LAMB4: variants seen among roughly 807,000 people sequenced by gnomAD.
LAMB4 encodes the protein laminin subunit beta-4.
In LAMB4, 196 loss-of-function variants were observed where a neutral mutation model predicts 199.2. The observed-to-expected ratio is 0.98, with a 90% CI of 0.88 to 1.11. The LOEUF is 1.11. Among genes scored for constraint, LAMB4 ranks in the 50% least tolerant of loss-of-function variants. The pLI, the probability that LAMB4 is intolerant of heterozygous loss-of-function variation, is 0.00. For missense variants in LAMB4, 2,080 were observed against 2,171.2 expected (o/e 0.96, Z 0.83); for synonymous variants, 744 against 770.6 (o/e 0.97, Z 0.57).
chr7:108,091,730 C>T lies in LAMB4; in HGVS notation c.1597G>A (p.Gly533Ser). The change falls in exon 14 of 34, where the codon GGC becomes AGC. Residue 533 changes from glycine to serine, a missense_variant. Gly to Ser is a moderately conservative substitution (Grantham distance 56). Transcript: ENST00000388781. ...GGGGCTGGTTCAGAGCAGCTACGGC[C>T]AGTGACATGTGGGCGGCATTCACAC... ...GQCECRPHVT[G>S]RSCSEPAPGY... 6.2e-7 allele frequency: 1 copy of T among 1,614,152 alleles called. No homozygotes were observed.
intron 24 of LAMB4, 47 bp downstream of exon 24, chr7:108,057,785 G>C: frequency 8.1e-7 from 1 of 1,238,536 alleles, no homozygotes; most frequent in Non-Finnish European, 1.2e-6. Context: ...TCCATGGTAG[G>C]GCCAGGCTGA....
chr7:108,069,037 G>A (rs1265684810), intron 18 of LAMB4, among the ~76,000 whole-genome samples: 1 of 152,096 alleles, frequency 6.6e-6, no homozygotes, highest in Non-Finnish European at 1.5e-5. Context: ...ATGACATGGT[G>A]GGTACCCTGA....
At chr7:108,073,365 T>A (rs1021727412) in intron 17 of LAMB4, among the ~76,000 whole-genome samples, 1 of 152,250 alleles carries the variant, frequency 6.6e-6, no homozygotes, top group Non-Finnish European at 1.5e-5. Context: ...CTAAGGACTT[T>A]ATGTTTACCA....
At position 108,080,994 on chromosome 7, in the gene LAMB4, C is replaced by CTCCCA. The variant is rs369138570; in HGVS notation, c.1702-1209_1702-1208insTGGGA. Among the ~76,000 whole-genome samples, 461 of 152,090 alleles carry CTCCCA rather than the reference C, an allele frequency of 3.0e-3. 1 individual carries two copies. The highest frequency in any genetic ancestry group is 0.011 in the African/African-American group (450 of 41,504). ...AAAATTATCTGGGAGTGGTGGTGTG[C>CTCCCA]GCTTGTACTCCCAGCTACTTGGAAG... On this transcript the variant is annotated intron_variant, in intron 14 of 33. Transcript: ENST00000388781.
chr7:108,103,075 G>C lies in LAMB4; in HGVS notation c.1149C>G (p.Leu383=). 2 of 1,609,912 alleles carry C rather than the reference G, an allele frequency of 1.2e-6. No homozygotes were observed. Among genetic ancestry groups the C allele is most frequent in the Non-Finnish European group, 1.7e-6 (2 of 1,176,830 alleles). The change falls in exon 10 of 34, where the codon CTC becomes CTG. Residue 383 remains leucine, a synonymous_variant. Transcript: ENST00000388781. ...RCRPLFYRDP[L]KTISDPYACI... ...ACGCGTAGGGATCTGAGATGGTCTT[G>C]AGCGGGTCCCTGTAGAAGAGGGGTC...
Position 108,063,793 on chromosome 7 carries a change from T to A in LAMB4, c.3029A>T (p.His1010Leu). The A allele has an allele frequency of 1.2e-6, 2 of 1,614,204 alleles. No individual in the cohort carries two copies. The highest frequency in any genetic ancestry group is 1.7e-6 in the Non-Finnish European group (2 of 1,180,016). The change falls in exon 22 of 34, where the codon CAC (histidine) becomes CTC (leucine). Residue 1010 changes from histidine to leucine, a missense_variant. Coordinates refer to ENST00000388781, the MANE Select transcript of LAMB4 (RefSeq NM_007356.3). The part of the protein sequence containing the change: ...GANCQLCKPG[H>L]YGSALNQTCR... ...GGTCTGATTGAGGGCTGATCCATAGTGACCTGGTTTGCAGAGCTGGCAGTT... is the reference window on the plus strand; with the variant it reads ...GGTCTGATTGAGGGCTGATCCATAGAGACCTGGTTTGCAGAGCTGGCAGTT...
chr7:108,036,590 A>G (rs922644073), intron 30 of LAMB4, among the ~76,000 whole-genome samples: 1 of 152,074 alleles, frequency 6.6e-6, no homozygotes, highest in South Asian at 2.1e-4. Context: ...CACTTCGTTT[A>G]TACACGTGGA....
At chr7:108,013,307 G>A in the LAMB4 span, among the ~76,000 whole-genome samples, 1 of 152,110 alleles carries the variant, frequency 6.6e-6, no homozygotes, top group Non-Finnish European at 1.5e-5. Context: ...TGTGCTTTCT[G>A]GGGAGAAATC....
chr7:108,057,799 T>G, intron 24 of LAMB4, 33 bp downstream of exon 24: 1 of 1,378,530 alleles, frequency 7.3e-7, no homozygotes, highest in Non-Finnish European at 1.0e-6. Flanking sequence ...AGGCTGACTG[T>G]ACGCATGAGT....
intron 17 of LAMB4, among the ~76,000 whole-genome samples, chr7:108,073,645 A>C (rs1024835899): frequency 6.6e-6 from 1 of 152,204 alleles, no homozygotes; most frequent in African/African-American, 2.4e-5. Context: ...GAAAAGAATA[A>C]ACTTTGAAAG....
At chr7:108,099,592 T>C (rs796695008) in intron 10 of LAMB4, among the ~76,000 whole-genome samples, 2 of 152,298 alleles carry the variant, frequency 1.3e-5, no homozygotes, top group African/African-American at 4.8e-5. Flanking sequence ...ACCACCAAGG[T>C]CTCTTGTACC....
intron 11 of LAMB4, among the ~76,000 whole-genome samples, chr7:108,096,609 A>T (rs1458785719): frequency 6.6e-6 from 1 of 151,998 alleles, no homozygotes; most frequent in Admixed American, 6.6e-5. Flanking sequence ...TTACAGGGTG[A>T]ATTGTATGGT....
rs758486010 is a variant in LAMB4, at chr7:108,095,320, G to A, written c.1378C>T (p.Leu460Phe). ...LGCQPCDCNPLGSLPFLTCDV... is the reference protein window; with the variant it reads ...LGCQPCDCNPFGSLPFLTCDV... Reference sequence around the variant, plus strand: ...CAGGTCAAGAATGGCAGACTCCCAAGGGGGTTACAGTCGCAGGCTGAAAGC... The same window carrying A: ...CAGGTCAAGAATGGCAGACTCCCAAAGGGGTTACAGTCGCAGGCTGAAAGC... The change falls in exon 12 of 34, where the codon CTT becomes TTT. Residue 460 changes from leucine (L) to phenylalanine (F), a missense_variant. Physicochemically the swap from Leu to Phe is conservative, Grantham distance 22 (BLOSUM62 0). Coordinates refer to ENST00000388781, the MANE Select transcript of LAMB4 (RefSeq NM_007356.3). 1 of 1,613,498 alleles carries A rather than the reference G, an allele frequency of 6.2e-7. No individual in the cohort carries two copies. Among genetic ancestry groups the A allele is most frequent in the South Asian group, 1.1e-5 (1 of 91,052 alleles).
At chr7:108,069,221 A>G (rs532532208) in intron 18 of LAMB4, among the ~76,000 whole-genome samples, 2 of 152,204 alleles carry the variant, frequency 1.3e-5, no homozygotes, top group African/African-American at 2.4e-5. Flanking sequence ...AGGGGAGGGC[A>G]GTACCGGTAT....
At position 108,096,964 on chromosome 7, in the gene LAMB4, A is replaced by T. The variant is rs866798438; in HGVS notation, c.1360+1439T>A. Among the ~76,000 whole-genome samples the T allele has an allele frequency of 2.5e-3, 366 of 149,318 alleles. 4 individuals carry two copies. Among genetic ancestry groups the T allele is most frequent in the African/African-American group, 8.5e-3 (346 of 40,676 alleles). On this transcript the variant is annotated intron_variant, in intron 11 of 33. Coordinates refer to ENST00000388781, the MANE Select transcript of LAMB4 (RefSeq NM_007356.3). Reference sequence around the variant, plus strand: ...CAAAAAAAAAAAAAAAAAAAAAAAAAAAAAAAAATTTAAAGCTGGTATACA... The same window carrying T: ...CAAAAAAAAAAAAAAAAAAAAAAAATAAAAAAAATTTAAAGCTGGTATACA...
chr7:108,065,969 T>C (rs1055801607), intron 20 of LAMB4, 50 bp from the exon 21 acceptor site: 1 of 1,546,626 alleles, frequency 6.5e-7, no homozygotes, highest in African/African-American at 1.4e-5. Context: ...AAAGATCACA[T>C]GTTAGCCAAT....
At chr7:108,055,512 A>G in intron 25 of LAMB4, 120 bp downstream of exon 25, 1 of 1,059,704 alleles carries the variant, frequency 9.4e-7, no homozygotes, top group South Asian at 1.5e-5. Flanking sequence ...CTGAACAACT[A>G]TCAGTCCCCT....
At chr7:108,032,274 C>A (rs2035064417) in intron 31 of LAMB4, among the ~76,000 whole-genome samples, 1 of 152,040 alleles carries the variant, frequency 6.6e-6, no homozygotes, top group Non-Finnish European at 1.5e-5. Context: ...CCTGTAATCC[C>A]AGCTACTCGG....
At chr7:108,052,834 T>C (rs1216419177) in intron 25 of LAMB4, among the ~76,000 whole-genome samples, 1 of 152,210 alleles carries the variant, frequency 6.6e-6, no homozygotes, top group African/African-American at 2.4e-5. Flanking sequence ...TACACCTTTG[T>C]TGTGCTTCAA....
Sources: allele counts gnomAD v4.1 joint callset (sites outside exome capture counted in the v4.1 genomes callset), GRCh38; gene constraint gnomAD v4.1.1; transcripts MANE v1.5; gene names NCBI Gene and HGNC (gene_info 2026-07-23, HGNC 2026-07-21).